Variants in ESCO2 observed in about 807,000 individuals in gnomAD.
ESCO2 encodes establishment of sister chromatid cohesion N-acetyltransferase 2, also known as N-acetyltransferase ESCO2.
In ESCO2, 51 loss-of-function variants were observed where a neutral mutation model predicts 61.7. That is an observed-to-expected ratio of 0.83 (90% CI 0.66 to 1.04). The LOEUF (loss-of-function observed/expected upper bound fraction) is 1.04. ESCO2 is among the 50% of genes least tolerant of loss of function. The pLI is 0.00. For missense variants in ESCO2, 692 were observed against 686.2 expected (o/e 1.01, Z -0.09); for synonymous variants, 230 against 238.2 (o/e 0.97, Z 0.32).
upstream of ESCO2, among the ~76,000 whole-genome samples, chr8:27,774,154 T>C (rs912914484): frequency 6.8e-6 from 1 of 146,474 alleles, no homozygotes; most frequent in Non-Finnish European, 1.5e-5. Flanking sequence ...GCATCGAGAA[T>C]CTTGGAGAGG....
At chr8:27,798,076 A>G (rs1805341604) in intron 9 of ESCO2, among the ~76,000 whole-genome samples, 1 of 152,236 alleles carries the variant, frequency 6.6e-6, no homozygotes, top group Admixed American at 6.5e-5. Context: ...AATGCTAGTG[A>G]GGATATGGGG....
rs775607497 is a variant in ESCO2, at chr8:27,799,562, C to T, written c.1519C>T (p.Pro507Ser). The part of the protein sequence containing the change: ...IKQAFRVLSE[P>S]IGPESPSSTE... ...GCAGGCATTTCGTGTCCTGTCTGAA[C>T]CAATTGGTCCAGAATCCCCAAGCTC... The change falls in exon 10 of 11, where the codon CCA becomes TCA. Residue 507 changes from proline (P) to serine (S), a missense_variant. Coordinates refer to ENST00000305188, the MANE Select transcript of ESCO2 (RefSeq NM_001017420.3). The T allele has an allele frequency of 1.2e-6, 2 of 1,613,740 alleles. No homozygotes were observed. Among genetic ancestry groups the T allele is most frequent in the Non-Finnish European group, 8.5e-7 (1 of 1,179,940 alleles).
Position 27,799,714 on chromosome 8 carries a change from C to G in ESCO2, c.1671C>G (p.Leu557=). The G allele has an allele frequency of 6.2e-7, 1 of 1,613,756 alleles. No homozygotes were observed. The highest frequency in any genetic ancestry group is 1.7e-5 in the Admixed American group (1 of 59,940). The change falls in exon 10 of 11, where the codon CTC becomes CTG. Residue 557 remains leucine, a splice_region_variant and synonymous_variant. Transcript: ENST00000305188. The part of the protein sequence containing the change: ...KRIARRLVDT[L]RNCFMFGCFL... ...TTGCAAGACGACTGGTTGATACCCT[C>G]AGGTAAGAAATAAAATGGATCTAGA...
downstream of ESCO2, among the ~76,000 whole-genome samples, chr8:27,807,088 A>C (rs1356937205): frequency 6.6e-6 from 1 of 152,208 alleles, no homozygotes; most frequent in African/African-American, 2.4e-5. Flanking sequence ...TTCTTTTAGA[A>C]TCTTACAGCT....
rs374744436 is a variant in ESCO2, at chr8:27,780,294, C to A, written c.955+27C>A. 75 of 1,377,698 alleles carry A rather than the reference C, an allele frequency of 5.4e-5. No individual in the cohort carries two copies. The African/African-American group carries it at 9.0e-4, about 16-fold the overall frequency. 85.3% of individuals were successfully genotyped at this position (1,377,698 alleles called of 1,614,324 possible). ...TAAGAGAAAACTCGCATGAATTTAG[C>A]TGCTTAAAATAATGCTTTATTACAT... On this transcript the variant is annotated intron_variant, in intron 4 of 10. Coordinates refer to ENST00000305188, the MANE Select transcript of ESCO2 (RefSeq NM_001017420.3).
intron 7 of ESCO2, among the ~76,000 whole-genome samples, chr8:27,791,463 A>C (rs923474928): frequency 2.6e-5 from 4 of 152,238 alleles, no homozygotes; most frequent in Non-Finnish European, 5.9e-5. Context: ...AGTATCATTC[A>C]AAGACTAGGG....
downstream of ESCO2, among the ~76,000 whole-genome samples, chr8:27,807,611 A>G (rs1473634694): frequency 6.6e-6 from 1 of 152,208 alleles, no homozygotes; most frequent in Non-Finnish European, 1.5e-5. Flanking sequence ...TTTTCTCCAC[A>G]GATGAGTTTT....
rs1805377490 is a variant in ESCO2 at position 27,799,566 on chromosome 8, T to C, written c.1523T>C (p.Ile508Thr). The C allele has an allele frequency of 6.2e-7, 1 of 1,614,020 alleles. No homozygotes were observed. Among genetic ancestry groups the C allele is most frequent in the Non-Finnish European group, 8.5e-7 (1 of 1,179,988 alleles). The change falls in exon 10 of 11, where the codon ATT (isoleucine) becomes ACT (threonine). Residue 508 changes from isoleucine to threonine, a missense_variant. Transcript: ENST00000305188. ...KQAFRVLSEP[I>T]GPESPSSTEC... ...GCATTTCGTGTCCTGTCTGAACCAA[T>C]TGGTCCAGAATCCCCAAGCTCTACG...
intron 7 of ESCO2, 124 bp downstream of exon 7, chr8:27,789,102 AT>A: frequency 8.3e-7 from 1 of 1,211,376 alleles, no homozygotes; most frequent in African/African-American, 1.5e-5. Flanking sequence ...CAAGCTTACT[AT>A]CTCAATTTAA....
Position 27,777,182 on chromosome 8 carries a change from A to AT in ESCO2, c.861+14dup. ...GAAATTAATAAAGGTAAAGCTAAAT[A>AT]TATCACTTTAAAAATGGCTGTATAA... On this transcript the variant is annotated intron_variant, in intron 3 of 10. Transcript: ENST00000305188. 1 of 1,595,110 alleles carries AT rather than the reference A, an allele frequency of 6.3e-7. No homozygotes were observed. The highest frequency in any genetic ancestry group is 1.2e-5 in the South Asian group (1 of 86,416).
rs1048170023 is a variant in ESCO2, at chr8:27,776,308, A to C, written c.54-54A>C. On this transcript the variant is annotated intron_variant, in intron 2 of 10. Transcript: ENST00000305188. The stretch of plus-strand genomic sequence containing the variant: ...GTAGAGCTTACTTAGCAGTAGATTT[A>C]TGTAAATTTTGACGCAAAATAATCT... 14 of 1,440,218 alleles carry C rather than the reference A, an allele frequency of 9.7e-6. No individual in the cohort carries two copies. In the South Asian group the frequency reaches 1.7e-4, roughly 18 times the overall value. The allele number at this position is 1,440,218 out of a possible 1,614,324, so 89.2% of individuals were successfully genotyped here.
chr8:27,790,526 T>C (rs1805153444), intron 7 of ESCO2, among the ~76,000 whole-genome samples: 1 of 145,178 alleles, frequency 6.9e-6, no homozygotes, highest in African/African-American at 2.6e-5. Context: ...TACTTGGATT[T>C]TTTTAACCTT....
At chr8:27,799,806 G>T in intron 10 of ESCO2, 90 bp downstream of exon 10, 1 of 1,416,776 alleles carries the variant, frequency 7.1e-7, no homozygotes, top group Non-Finnish European at 1.0e-6. Flanking sequence ...AAGGATATTG[G>T]TAAGATACTT....
At chr8:27,819,577 C>T in the ESCO2 span, among the ~76,000 whole-genome samples, 16,168 of 151,972 alleles carry the variant, frequency 0.11, 970 homozygotes, top group East Asian at 0.25. Context: ...ACCTATTAGA[C>T]TATTCATACT....
chr8:27,796,986 C>A (rs1805311432), intron 9 of ESCO2, among the ~76,000 whole-genome samples: 1 of 152,114 alleles, frequency 6.6e-6, no homozygotes, highest in Non-Finnish European at 1.5e-5. Flanking sequence ...GTAGTGCATG[C>A]CTATAGTCAC....
downstream of ESCO2, among the ~76,000 whole-genome samples, chr8:27,805,636 C>T (rs1805549888): frequency 6.6e-6 from 1 of 151,906 alleles, no homozygotes; most frequent in South Asian, 2.1e-4. Context: ...TGGTTTCTTT[C>T]TTTTTTTCCC....
intron 7 of ESCO2, 47 bp downstream of exon 7, chr8:27,789,025 AAG>A (rs1168516651): frequency 1.2e-6 from 2 of 1,612,494 alleles, no homozygotes; most frequent in South Asian, 1.1e-5. Context: ...GTAAAACTAA[AAG>A]AGACATTTCT....
intron 4 of ESCO2, among the ~76,000 whole-genome samples, chr8:27,782,831 C>T (rs114764307): frequency 0.015 from 2,207 of 152,072 alleles, 49 homozygotes; most frequent in African/African-American, 0.045. Flanking sequence ...AGTCAAAACA[C>T]CATTTGCTAA....
downstream of ESCO2, among the ~76,000 whole-genome samples, chr8:27,813,749 T>C (rs989253765): frequency 6.6e-6 from 1 of 152,186 alleles, no homozygotes; most frequent in Admixed American, 6.5e-5. Context: ...ACGTACAGCA[T>C]AGTGAGGACA....
Sources: gnomAD v4.1 joint callset for allele counts (sites outside exome capture counted in the v4.1 genomes callset) on GRCh38, gnomAD v4.1.1 for gene constraint, MANE v1.5 for transcripts, NCBI Gene and HGNC (gene_info 2026-07-23, HGNC 2026-07-21) for gene names.